Variants in SAMM50 observed in about 807,000 individuals in gnomAD.
SAMM50 encodes the protein SAMM50 sorting and assembly machinery component.
Under a neutral mutation model 66.9 loss-of-function variants are expected in SAMM50, and 47 were observed. The observed-to-expected ratio is 0.70, with a 90% CI of 0.56 to 0.90. The LOEUF (loss-of-function observed/expected upper bound fraction) is 0.90. Ranked by LOEUF, SAMM50 falls within the 40% of genes least tolerant of loss-of-function variation. SAMM50 has a pLI of 0.00. For missense variants in SAMM50, 535 were observed against 595.3 expected (o/e 0.90, Z 1.05); for synonymous variants, 191 against 214.1 (o/e 0.89, Z 0.94).
intron 1 of SAMM50, among the ~76,000 whole-genome samples, chr22:43,962,640 C>G (rs60349620): frequency 6.6e-6 from 1 of 152,250 alleles, no homozygotes; most frequent in African/African-American, 2.4e-5. Flanking sequence ...TCTTAGTAAT[C>G]TGGTTTGTCA....
intron 14 of SAMM50, among the ~76,000 whole-genome samples, chr22:43,995,970 C>G (rs1357402329): frequency 6.6e-6 from 1 of 152,190 alleles, no homozygotes; most frequent in Non-Finnish European, 1.5e-5. Flanking sequence ...GCCTCTCCTC[C>G]ATCCTCACTA....
rs752841571 is a variant in SAMM50 at position 43,990,303 on chromosome 22, T to G, written c.1261T>G (p.Cys421Gly). ...PKAHIRKLAECIRWSYGAGIV... is the reference protein window; with the variant it reads ...PKAHIRKLAEGIRWSYGAGIV... ...AGCTCATATTCGTAAGCTGGCTGAGTGCATCCGCTGGTCGTACGGGGCCGG... is the reference window on the plus strand; with the variant it reads ...AGCTCATATTCGTAAGCTGGCTGAGGGCATCCGCTGGTCGTACGGGGCCGG... The change falls in exon 14 of 15, where the codon TGC becomes GGC. Residue 421 changes from cysteine to glycine, a missense_variant. Cys to Gly is a radical substitution (Grantham distance 159, BLOSUM62 -3). Coordinates refer to ENST00000350028, the MANE Select transcript of SAMM50 (RefSeq NM_015380.5). 1.7e-5 allele frequency: 27 copies of G among 1,614,150 alleles called. No homozygotes were observed. The highest frequency in any genetic ancestry group is 1.8e-5 in the Non-Finnish European group (21 of 1,180,028).
intron 4 of SAMM50, 26 bp downstream of exon 4, chr22:43,968,844 A>G: frequency 6.6e-7 from 1 of 1,508,936 alleles, no homozygotes; most frequent in Non-Finnish European, 9.2e-7. Flanking sequence ...TAGTATCTTT[A>G]TAATTCCCTT....
intron 14 of SAMM50, among the ~76,000 whole-genome samples, chr22:43,991,221 C>T (rs2050323055): frequency 6.6e-6 from 1 of 151,934 alleles, no homozygotes. Flanking sequence ...CGTGATCTGC[C>T]TGCCTCAGCC....
chr22:43,969,035 C>CAATAT (rs2050189684), intron 4 of SAMM50, among the ~76,000 whole-genome samples: 1 of 152,184 alleles, frequency 6.6e-6, no homozygotes, highest in Non-Finnish European at 1.5e-5. Flanking sequence ...ATTGCCCAGG[C>CAATAT]TGGTCTGGAA....
chr22:43,963,875 A>AAG (rs2146807518), intron 2 of SAMM50, among the ~76,000 whole-genome samples: 1 of 152,230 alleles, frequency 6.6e-6, no homozygotes, highest in East Asian at 1.9e-4. Context: ...CGGGGTCTTT[A>AAG]GAGGATGCAT....
At position 43,977,879 on chromosome 22, in the gene SAMM50, C is replaced by T. The variant is rs745794022; in HGVS notation, c.857C>T (p.Ala286Val). The T allele has an allele frequency of 1.2e-6, 2 of 1,613,194 alleles. No individual in the cohort carries two copies. Among genetic ancestry groups the T allele is most frequent in the Non-Finnish European group, 1.7e-6 (2 of 1,179,332 alleles). Residue 286 changes from alanine to valine, a missense_variant, in exon 10 of 15, where the codon GCA (alanine) becomes GTA (valine). Ala to Val is a moderately conservative substitution (Grantham distance 64). Coordinates refer to ENST00000350028, the MANE Select transcript of SAMM50 (RefSeq NM_015380.5). ...AGTGCTCCTTCCCTGCAGGAACTGG[C>T]AGGCTACACTGGCGGGGATGTGAGC... ...GALLKVNQELAGYTGGDVSFI... is the reference protein window; with the variant it reads ...GALLKVNQELVGYTGGDVSFI...
intron 4 of SAMM50, among the ~76,000 whole-genome samples, chr22:43,970,684 A>G (rs2050198805): frequency 6.6e-6 from 1 of 152,082 alleles, no homozygotes; most frequent in Non-Finnish European, 1.5e-5. Flanking sequence ...GGAGAGGTTC[A>G]TGGAAACTCT....
intron 1 of SAMM50, among the ~76,000 whole-genome samples, chr22:43,962,356 G>A (rs56904606): frequency 6.6e-6 from 1 of 152,262 alleles, no homozygotes; most frequent in East Asian, 1.9e-4. Flanking sequence ...GTAAGTTGAA[G>A]CATTGTAAGT....
intron 4 of SAMM50, among the ~76,000 whole-genome samples, chr22:43,969,985 A>G (rs922712482): frequency 7.9e-5 from 12 of 152,218 alleles, no homozygotes; most frequent in South Asian, 2.1e-4. Flanking sequence ...ATGGGGGGTA[A>G]TTTTGAGAAG....
At chr22:43,984,754 G>C (rs186425820) in intron 12 of SAMM50, among the ~76,000 whole-genome samples, 1 of 151,486 alleles carries the variant, frequency 6.6e-6, no homozygotes, top group African/African-American at 2.4e-5. Flanking sequence ...TCAGCCCCCT[G>C]AGTAGCTGGG....
intron 13 of SAMM50, among the ~76,000 whole-genome samples, 168 bp downstream of exon 13, chr22:43,989,425 C>G (rs1334148650): frequency 6.6e-6 from 1 of 151,578 alleles, no homozygotes; most frequent in Non-Finnish European, 1.5e-5. Flanking sequence ...CAACCTCCAC[C>G]TTCTGGGTTC....
At chr22:43,976,899 G>T in intron 9 of SAMM50, 78 bp downstream of exon 9, 1 of 880,676 alleles carries the variant, frequency 1.1e-6, no homozygotes, top group Non-Finnish European at 1.8e-6. Flanking sequence ...CCGGTGGGCT[G>T]GGTGGGCCTG....
intron 1 of SAMM50, chr22:43,956,902 A>G (rs565193436): frequency 4.6e-5 from 21 of 459,618 alleles, no homozygotes; most frequent in Middle Eastern, 5.6e-4. Context: ...TGTAAAATCA[A>G]TGGGGATGCA....
At chr22:43,987,944 C>T (rs1164215903) in intron 12 of SAMM50, 1 of 151,738 alleles carries the variant, frequency 6.6e-6, no homozygotes. Flanking sequence ...AGCAAGCAAG[C>T]ACCACATTTT....
chr22:43,968,819 G>A lies in SAMM50; in HGVS notation c.322+1G>A. On this transcript the variant is annotated splice_donor_variant, in intron 4 of 14. Coordinates refer to ENST00000350028, the MANE Select transcript of SAMM50 (RefSeq NM_015380.5). LOFTEE classifies it high-confidence loss of function. ...GATGTTTTGATTGACACATGTCAAG[G>A]TACATATTGTGGTGTAGTATCTTTA... is the stretch of plus-strand genomic sequence containing the variant. The A allele has an allele frequency of 6.2e-7, 1 of 1,601,052 alleles. No individual in the cohort carries two copies. Among genetic ancestry groups the A allele is most frequent in the Non-Finnish European group, 8.6e-7 (1 of 1,168,182 alleles).
At chr22:43,965,502 C>G (rs2050168529) in intron 3 of SAMM50, among the ~76,000 whole-genome samples, 1 of 152,146 alleles carries the variant, frequency 6.6e-6, no homozygotes. Flanking sequence ...GCCACCGTGC[C>G]TGCCCAAATT....
chr22:43,968,226 CAAAAAAA>C (rs66961907), intron 3 of SAMM50, among the ~76,000 whole-genome samples: 1 of 68,648 alleles, frequency 1.5e-5, no homozygotes, highest in African/African-American at 5.3e-5. Flanking sequence ...AACTCTGTCT[CAAAAAAA>C]AAAAAAAAAA....
Position 43,983,853 on chromosome 22 carries a change from T to C in SAMM50, c.1008-80T>C, listed in dbSNP as rs1407030996. On this transcript the variant is annotated intron_variant, in intron 11 of 14. Transcript: ENST00000350028. This position sits in a 1 kb window ranked among gnomAD's most constrained non-coding sequence, Gnocchi z 4.2. ...TCTAGTATCGAATGTGAGTCTGACA[T>C]GTGTTTCCTACGCGTTCCGTGTGTC... The C allele has an allele frequency of 1.0e-6, 1 of 956,918 alleles. No homozygotes were observed. Among genetic ancestry groups the C allele is most frequent in the Non-Finnish European group, 1.6e-6 (1 of 622,530 alleles). 59.3% of individuals were successfully genotyped at this position (956,918 alleles called of 1,614,324 possible).
Sources: gnomAD v4.1 joint callset for allele counts (sites outside exome capture counted in the v4.1 genomes callset) on GRCh38, gnomAD v4.1.1 for gene constraint, Gnocchi (gnomAD v3.1) non-coding constraint, MANE v1.5 for transcripts, NCBI Gene and HGNC (gene_info 2026-07-23, HGNC 2026-07-21) for gene names.